The following RNF111 variants were observed in gnomAD, a reference collection of about 807,000 sequenced individuals.
RNF111 encodes the protein E3 ubiquitin-protein ligase Arkadia.
Under a neutral mutation model 95.1 loss-of-function variants are expected in RNF111, and 17 were observed. The observed-to-expected ratio is 0.18, with a 90% CI of 0.12 to 0.27. RNF111 has a LOEUF of 0.27. Ranked by LOEUF, RNF111 falls within the 10% of genes least tolerant of loss-of-function variation. The pLI is 1.00. For synonymous variants in RNF111, 440 were observed against 414.8 expected (o/e 1.06, Z -0.74); for missense variants, 1,189 against 1,210.4 (o/e 0.98, Z 0.26).
chr15:59,059,591 T>G (rs1254593936), intron 5 of RNF111, among the ~76,000 whole-genome samples: 1 of 152,168 alleles, frequency 6.6e-6, no homozygotes, highest in African/African-American at 2.4e-5. Flanking sequence ...TTGGTTATGG[T>G]TTGGTCTGTT....
chr15:59,058,786 C>T (rs2042308378), intron 5 of RNF111: 2 of 425,780 alleles, frequency 4.7e-6, no homozygotes, highest in African/African-American at 2.0e-5. Flanking sequence ...TGGGGAGAAG[C>T]AAATGGCTGA....
At chr15:58,995,210 T>A (rs1348067397) in intron 1 of RNF111, among the ~76,000 whole-genome samples, 1 of 152,226 alleles carries the variant, frequency 6.6e-6, no homozygotes, top group Non-Finnish European at 1.5e-5. Context: ...TTGCCTATGC[T>A]GATCTTTACT....
chr15:59,036,372 C>T (rs1415558050), intron 2 of RNF111, among the ~76,000 whole-genome samples: 1 of 152,070 alleles, frequency 6.6e-6, no homozygotes, highest in Non-Finnish European at 1.5e-5. Flanking sequence ...AGACTGGTAA[C>T]TTATAAAGGA....
chr15:59,085,159 A>G (rs1328737782), intron 9 of RNF111, among the ~76,000 whole-genome samples: 1 of 152,218 alleles, frequency 6.6e-6, no homozygotes, highest in Non-Finnish European at 1.5e-5. Context: ...GAATAAGTAA[A>G]TGAAGACTTA....
At chr15:59,021,867 T>C (rs1343863911) in intron 1 of RNF111, among the ~76,000 whole-genome samples, 1 of 152,188 alleles carries the variant, frequency 6.6e-6, no homozygotes, top group East Asian at 1.9e-4. Context: ...TAGCTTCTTA[T>C]AAATTTTTTT....
chr15:58,991,493 G>C (rs974959029), intron 1 of RNF111, among the ~76,000 whole-genome samples: 14 of 152,206 alleles, frequency 9.2e-5, no homozygotes, highest in African/African-American at 2.9e-4. Flanking sequence ...AATGGTTTCA[G>C]GTAGTGGTAA....
At chr15:59,001,812 C>T (rs1385585223) in intron 1 of RNF111, among the ~76,000 whole-genome samples, 1 of 152,136 alleles carries the variant, frequency 6.6e-6, no homozygotes, top group African/African-American at 2.4e-5. Flanking sequence ...CCTCCCTTAT[C>T]CATGAGGGAT....
intron 1 of RNF111, among the ~76,000 whole-genome samples, chr15:58,994,033 ATTTTTTT>A (rs371453519): frequency 6.8e-4 from 70 of 103,108 alleles, no homozygotes; most frequent in African/African-American, 2.3e-3. Flanking sequence ...TGTTACTTAA[ATTTTTTT>A]TTTTTTTTTT....
chr15:59,027,375 C>G (rs1438380080), intron 1 of RNF111, among the ~76,000 whole-genome samples: 1 of 152,024 alleles, frequency 6.6e-6, no homozygotes, highest in East Asian at 1.9e-4. Context: ...TTGACTTTTT[C>G]ACTTTTTTTA....
At chr15:59,025,151 C>T (rs1455114293) in intron 1 of RNF111, among the ~76,000 whole-genome samples, 2 of 152,172 alleles carry the variant, frequency 1.3e-5, no homozygotes, top group Admixed American at 6.5e-5. Context: ...TCCCAAAGTG[C>T]AGGGATTACA....
chr15:59,049,745 C>CTTTTTTTTTTTTTTTTTTTT (rs368049097), intron 2 of RNF111: 7 of 104,602 alleles, frequency 6.7e-5, no homozygotes, highest in South Asian at 3.0e-4. Context: ...TTCTTTCTTT[C>CTTTTTTTTTTTTTTTTTTTT]TTTTTTTTTT....
chr15:59,021,098 A>G (rs865901252), intron 1 of RNF111, among the ~76,000 whole-genome samples: 28 of 152,016 alleles, frequency 1.8e-4, no homozygotes, highest in African/African-American at 3.4e-4. Flanking sequence ...AGTCCTTTGT[A>G]TCATTCTTAT....
intron 1 of RNF111, among the ~76,000 whole-genome samples, chr15:59,003,546 G>A (rs958371029): frequency 1.3e-5 from 2 of 151,854 alleles, no homozygotes; most frequent in Non-Finnish European, 2.9e-5. Flanking sequence ...CTACAGGTGC[G>A]TGCTACCACA....
At chr15:59,089,953 A>G (rs1322617903) in intron 11 of RNF111, among the ~76,000 whole-genome samples, 194 bp downstream of exon 11, 1 of 152,188 alleles carries the variant, frequency 6.6e-6, no homozygotes, top group Non-Finnish European at 1.5e-5. Flanking sequence ...TTACCGAAAT[A>G]TTTAAAGATG....
In RNF111 at chr15:59,076,024, C is replaced by T; in HGVS notation, c.1757C>T (p.Ser586Phe). 1 of 1,614,234 alleles carries T rather than the reference C, an allele frequency of 6.2e-7. No homozygotes were observed. The highest frequency in any genetic ancestry group is 1.1e-5 in the South Asian group (1 of 91,084). ...SHGSGSFHGA[S>F]AFDPCCPVSS... ...GGAAGTGGCAGTTTTCATGGAGCAT[C>T]TGCATTTGACCCCTGCTGCCCTGTT... Residue 586 changes from serine to phenylalanine, a missense_variant, in exon 7 of 14, where the codon TCT (serine) becomes TTT (phenylalanine). Ser to Phe is a radical substitution (Grantham distance 155, BLOSUM62 -2). Coordinates refer to ENST00000348370, the MANE Select transcript of RNF111 (RefSeq NM_017610.8).
intron 1 of RNF111, among the ~76,000 whole-genome samples, chr15:59,030,034 G>A (rs1371755242): frequency 3.9e-5 from 6 of 152,106 alleles, no homozygotes; most frequent in African/African-American, 7.2e-5. Flanking sequence ...TTGCATTGAT[G>A]TAAATGCTTT....
chr15:59,054,596 C>T (rs566091216), intron 3 of RNF111, among the ~76,000 whole-genome samples: 1 of 152,188 alleles, frequency 6.6e-6, no homozygotes, highest in Non-Finnish European at 1.5e-5. Flanking sequence ...CTGATATGTA[C>T]TATCCTATGT....
At chr15:59,090,216 G>T (rs1251548712) in intron 11 of RNF111, among the ~76,000 whole-genome samples, 1 of 151,774 alleles carries the variant, frequency 6.6e-6, no homozygotes, top group African/African-American at 2.4e-5. Context: ...TTTTTTGTTT[G>T]TTTGTTTGTT....
rs186460806 is a variant in RNF111, at chr15:59,070,308, G to T, written c.1686+3225G>T. ...ATGAACTGGAATTGTGAAGAAGAGG[G>T]TTCTCATTACTGTTTTTATTTTCCC... is the stretch of plus-strand genomic sequence containing the variant. On this transcript the variant is annotated intron_variant, in intron 6 of 13. Coordinates refer to ENST00000348370, the MANE Select transcript of RNF111 (RefSeq NM_017610.8). Among the ~76,000 whole-genome samples the T allele has an allele frequency of 2.1e-3, 322 of 152,014 alleles. 2 individuals are homozygous for T. Among genetic ancestry groups the T allele is most frequent in the African/African-American group, 7.3e-3 (304 of 41,460 alleles).
Sources: gnomAD v4.1 joint callset for allele counts (sites outside exome capture counted in the v4.1 genomes callset) on GRCh38, gnomAD v4.1.1 for gene constraint, MANE v1.5 for transcripts, NCBI Gene and HGNC (gene_info 2026-07-23, HGNC 2026-07-21) for gene names.